CELF2: variants seen among roughly 807,000 people sequenced by gnomAD.
CELF2 encodes CUGBP Elav-like family member 2, also known as CUG triplet repeat RNA-binding protein 2.
In CELF2, 8 loss-of-function variants were observed where a neutral mutation model predicts 62.6. That is an observed-to-expected ratio of 0.13 (90% CI 0.07 to 0.23). The LOEUF is 0.23. Ranked by LOEUF, CELF2 falls within the 10% of genes least tolerant of loss-of-function variation. CELF2 has a pLI of 1.00. For missense variants in CELF2, 333 were observed against 671.0 expected (o/e 0.50, Z 5.56); for synonymous variants, 258 against 250.0 (o/e 1.03, Z -0.30).
chr10:11,116,870 C>T (rs145085832), intron 1 of CELF2, among the ~76,000 whole-genome samples: 29 of 152,322 alleles, frequency 1.9e-4, no homozygotes, highest in African/African-American at 6.7e-4. Flanking sequence ...AACACTTACA[C>T]AACACCTAAA....
At chr10:11,108,833 C>T (rs1348630824) in intron 1 of CELF2, among the ~76,000 whole-genome samples, 1 of 152,230 alleles carries the variant, frequency 6.6e-6, no homozygotes, top group Non-Finnish European at 1.5e-5. Context: ...CATTTGGATC[C>T]ATTTCCCTTC....
the CELF2 span, among the ~76,000 whole-genome samples, chr10:10,638,643 C>T: frequency 2.6e-5 from 4 of 152,144 alleles, no homozygotes; most frequent in African/African-American, 9.7e-5. Context: ...GATGTGGGTG[C>T]TTACTAAAGG....
the CELF2 span, among the ~76,000 whole-genome samples, chr10:10,596,427 C>T: frequency 1.3e-5 from 2 of 152,220 alleles, no homozygotes; most frequent in Non-Finnish European, 2.9e-5. Flanking sequence ...TGGCTTGGTG[C>T]CCTTTCAGAG....
the CELF2 span, among the ~76,000 whole-genome samples, chr10:10,672,117 A>T: frequency 6.6e-6 from 1 of 152,120 alleles, no homozygotes; most frequent in Admixed American, 6.5e-5. Context: ...TAGTTTTAAG[A>T]GTTCTTTATA....
At chr10:11,288,331 C>A in intron 8 of CELF2, 87 bp from the exon 9 acceptor site, 1 of 1,532,326 alleles carries the variant, frequency 6.5e-7, no homozygotes, top group Non-Finnish European at 8.9e-7. Flanking sequence ...CATCATGTGT[C>A]CTGACGATTT....
chr10:10,661,027 C>T, the CELF2 span, among the ~76,000 whole-genome samples: 1 of 152,112 alleles, frequency 6.6e-6, no homozygotes, highest in African/African-American at 2.4e-5. Context: ...TTTTTTTTTA[C>T]ATCTGCCTTT....
chr10:11,261,236 C>T (rs1446753704), intron 5 of CELF2, among the ~76,000 whole-genome samples: 2 of 152,114 alleles, frequency 1.3e-5, no homozygotes, highest in Admixed American at 6.6e-5. Flanking sequence ...CTGGCTCCTG[C>T]GGATTTCTAA....
chr10:11,092,628 G>A (rs1208583522), intron 1 of CELF2, among the ~76,000 whole-genome samples: 1 of 152,216 alleles, frequency 6.6e-6, no homozygotes, highest in Non-Finnish European at 1.5e-5. Context: ...GACTTAACAA[G>A]GCTTGTTTGT....
the CELF2 span, among the ~76,000 whole-genome samples, chr10:10,621,476 T>A: frequency 2.0e-5 from 3 of 151,866 alleles, no homozygotes; most frequent in Non-Finnish European, 4.4e-5. Context: ...AGAAAGAGAG[T>A]TGAGACAATC....
the CELF2 span, among the ~76,000 whole-genome samples, chr10:10,679,603 T>C: frequency 6.6e-6 from 1 of 152,194 alleles, no homozygotes; most frequent in Non-Finnish European, 1.5e-5. Flanking sequence ...TGTTTTACTT[T>C]TAAAAACCTT....
chr10:10,764,506 G>T, the CELF2 span, among the ~76,000 whole-genome samples: 9 of 152,306 alleles, frequency 5.9e-5, no homozygotes, highest in African/African-American at 1.9e-4. Context: ...ACCGCACAAG[G>T]TGTCTTCTGA....
At chr10:10,662,840 G>A in the CELF2 span, among the ~76,000 whole-genome samples, 2 of 152,166 alleles carry the variant, frequency 1.3e-5, no homozygotes, top group African/African-American at 4.8e-5. Context: ...CCGAAAAAGA[G>A]AAGTGTCACT....
the CELF2 span, among the ~76,000 whole-genome samples, chr10:10,567,660 G>C: frequency 6.6e-6 from 1 of 152,060 alleles, no homozygotes; most frequent in Non-Finnish European, 1.5e-5. Context: ...ATGCTCAGGC[G>C]TCGATGCCTG....
At chr10:11,284,164 C>T (rs200434962) in intron 8 of CELF2, among the ~76,000 whole-genome samples, 121 of 4,692 alleles carry the variant, frequency 0.026, no homozygotes, top group Non-Finnish European at 0.025. Flanking sequence ...GGGATGAGTG[C>T]GTGGTGGGTG....
chr10:10,675,759 G>A, the CELF2 span, among the ~76,000 whole-genome samples: 1 of 152,030 alleles, frequency 6.6e-6, no homozygotes, highest in Non-Finnish European at 1.5e-5. Context: ...CCCATTAAAG[G>A]CATTCTTCCA....
In CELF2 at chr10:11,297,608, C is replaced by T. The variant is rs1293542123; in HGVS notation, c.976+9056C>T. 6.6e-6 allele frequency among the ~76,000 whole-genome samples: 1 copy of T among 152,146 alleles called. No homozygotes were observed. On this transcript the variant is annotated intron_variant, in intron 9 of 12. Coordinates refer to ENST00000633077, the MANE Select transcript of CELF2 (RefSeq NM_001326342.2). The surrounding 1 kb of genome is among the most constrained non-coding windows in gnomAD (Gnocchi z 4.4). ...CTGGCTGCTTCACTGCAGTGGTTGA[C>T]AGTTTTGCAGGCAGTGAGAGAGGAC...
At chr10:10,491,087 GA>G in the CELF2 span, among the ~76,000 whole-genome samples, 1 of 152,152 alleles carries the variant, frequency 6.6e-6, no homozygotes, top group African/African-American at 2.4e-5. Context: ...ATCGCAGCTA[GA>G]AAACCACTGA....
At chr10:10,550,681 T>C in the CELF2 span, among the ~76,000 whole-genome samples, 1 of 151,738 alleles carries the variant, frequency 6.6e-6, no homozygotes, top group African/African-American at 2.4e-5. Context: ...GATTGGATCC[T>C]GGATTCTGTC....
In CELF2 at chr10:11,309,852, A is replaced by G. The variant is rs1477864111; in HGVS notation, c.977-4287A>G. Among the ~76,000 whole-genome samples, 1 of 152,174 alleles carries G rather than the reference A, an allele frequency of 6.6e-6. No individual in the cohort carries two copies. Among genetic ancestry groups the G allele is most frequent in the Non-Finnish European group, 1.5e-5 (1 of 68,040 alleles). On this transcript the variant is annotated intron_variant, in intron 9 of 12. Coordinates refer to ENST00000633077, the MANE Select transcript of CELF2 (RefSeq NM_001326342.2). The surrounding 1 kb of genome is among the most constrained non-coding windows in gnomAD (Gnocchi z 5.6). ...CAGTGCCTGAGGTTTGAACTTTCCT[A>G]TACTCTGTTCCAAATAATTAGTTAT... is the stretch of plus-strand genomic sequence containing the variant.
Sources: gnomAD v4.1 joint callset for allele counts (sites outside exome capture counted in the v4.1 genomes callset) on GRCh38, gnomAD v4.1.1 for gene constraint, Gnocchi (gnomAD v3.1) non-coding constraint, MANE v1.5 for transcripts, NCBI Gene and HGNC (gene_info 2026-07-23, HGNC 2026-07-21) for gene names.